The following ZFHX3 variants were observed in gnomAD, a reference collection of about 807,000 sequenced individuals.
The protein encoded by ZFHX3 is zinc finger homeobox 3, also known as zinc finger homeobox protein 3.
In ZFHX3, 42 loss-of-function variants were observed where a neutral mutation model predicts 279.1. That is an observed-to-expected ratio of 0.15 (90% CI 0.12 to 0.19). The LOEUF (loss-of-function observed/expected upper bound fraction) is 0.19. Among genes scored for constraint, ZFHX3 ranks in the 10% least tolerant of loss-of-function variants. The probability of loss-of-function intolerance (pLI) is 1.00; values close to 1 mark genes in which losing one functional copy is unlikely to be tolerated. For missense variants in ZFHX3, 4,981 were observed against 4,754.0 expected (o/e 1.05, Z -1.40); for synonymous variants, 2,293 against 1,957.8 (o/e 1.17, Z -4.52).
intron 4 of ZFHX3, among the ~76,000 whole-genome samples, chr16:73,269,331 C>T (rs910119365): frequency 1.3e-5 from 2 of 152,146 alleles, no homozygotes; most frequent in South Asian, 2.1e-4. Context: ...CGTCAGTTAC[C>T]CTTCCCTGCC....
chr16:73,184,972 A>G (rs939908953), intron 5 of ZFHX3, among the ~76,000 whole-genome samples: 10 of 148,540 alleles, frequency 6.7e-5, no homozygotes, highest in Non-Finnish European at 1.5e-4. Flanking sequence ...GTTAAGGAAC[A>G]TGCACCATCT....
At chr16:73,380,380 G>A (rs565630957) in intron 3 of ZFHX3, among the ~76,000 whole-genome samples, 1 of 152,290 alleles carries the variant, frequency 6.6e-6, no homozygotes, top group African/African-American at 2.4e-5. Context: ...AGTAGAATAG[G>A]TAACTTGCTA....
chr16:73,258,652 T>A (rs1321001725), intron 4 of ZFHX3, among the ~76,000 whole-genome samples: 1 of 152,168 alleles, frequency 6.6e-6, no homozygotes, highest in Non-Finnish European at 1.5e-5. Context: ...CCGGCCACTA[T>A]GACATATTTT....
intron 2 of ZFHX3, among the ~76,000 whole-genome samples, chr16:73,621,087 C>T (rs1351785916): frequency 6.6e-6 from 1 of 152,180 alleles, no homozygotes; most frequent in Non-Finnish European, 1.5e-5. Flanking sequence ...GCACCAACGG[C>T]CATTACTGAG....
At chr16:73,166,941 C>T (rs1277642288) in intron 5 of ZFHX3, among the ~76,000 whole-genome samples, 2 of 152,200 alleles carry the variant, frequency 1.3e-5, no homozygotes, top group African/African-American at 4.8e-5. Context: ...GACAACACAA[C>T]ACGACACAAC....
At chr16:73,477,520 T>C (rs1281649740) in intron 2 of ZFHX3, among the ~76,000 whole-genome samples, 1 of 152,238 alleles carries the variant, frequency 6.6e-6, no homozygotes, top group Non-Finnish European at 1.5e-5. Context: ...CTATGTTCTA[T>C]GGTGGGGCTG....
intron 3 of ZFHX3, among the ~76,000 whole-genome samples, chr16:73,359,185 T>A (rs1420580568): frequency 1.6e-5 from 1 of 61,234 alleles, no homozygotes; most frequent in Non-Finnish European, 6.2e-5. Flanking sequence ...GAAGAGGTTT[T>A]TTTTTTTTTT....
In ZFHX3 at chr16:72,785,695, C is replaced by CAAAA. The variant is rs1567502455; in HGVS notation, c.*1465_*1468dup. ...CAAAACCAAAAACCAAATCCCTAAC[C>CAAAA]AAAAACTTTTTTTAGAAAAGAAAAG... On this transcript the variant is annotated 3_prime_UTR_variant, in exon 10 of 10. Transcript: ENST00000268489. 6.6e-6 allele frequency: 1 copy of CAAAA among 151,048 alleles called. No homozygotes were observed. The highest frequency in any genetic ancestry group is 1.5e-5 in the Non-Finnish European group (1 of 67,816). The allele number at this position is 151,048 out of a possible 1,614,324, so 9.4% of individuals were successfully genotyped here. A position where few individuals can be genotyped will look rare whatever the true frequency, so the allele number is the denominator to read the frequency against.
Position 73,044,575 on chromosome 16 carries a change from CAAGT to C in ZFHX3, c.-50+3173_-50+3176del, listed in dbSNP as rs1442484775. Reference sequence around the variant, plus strand: ...AGGCTAAATCCTTAGAGCTGAGAAACAAGTGAGTTACTCTTAAAAGGTGAGTGTT... The same window carrying C: ...AGGCTAAATCCTTAGAGCTGAGAAACGAGTTACTCTTAAAAGGTGAGTGTT... On this transcript the variant is annotated intron_variant, in intron 1 of 9. Coordinates refer to ENST00000268489, the MANE Select transcript of ZFHX3 (RefSeq NM_006885.4). Among the ~76,000 whole-genome samples the C allele has an allele frequency of 2.7e-5, 4 of 149,988 alleles. No individual in the cohort carries two copies. In the East Asian group the frequency reaches 6.0e-4, roughly 22 times the overall value.
chr16:73,543,889 A>AGAGAGAGAGAGAGAGAGAGACAGAGG, intron 2 of ZFHX3: 1 of 148,946 alleles, frequency 6.7e-6, no homozygotes, highest in African/African-American at 2.5e-5. Flanking sequence ...AGAGAGGGAG[A>AGAGAGAGAGAGAGAGAGAGACAGAGG]GAGAGAGAGA....
chr16:73,381,777 T>C (rs985332033), intron 3 of ZFHX3, among the ~76,000 whole-genome samples: 1 of 151,988 alleles, frequency 6.6e-6, no homozygotes, highest in Non-Finnish European at 1.5e-5. Flanking sequence ...AATAAGTAAA[T>C]AAATAAAAAA....
intron 1 of ZFHX3, among the ~76,000 whole-genome samples, chr16:73,715,562 C>CTTTTTTTT (rs949665075): frequency 3.2e-5 from 2 of 63,022 alleles, no homozygotes; most frequent in African/African-American, 7.4e-5. Context: ...CACAGCTGGT[C>CTTTTTTTT]TTTTTTTTTT....
chr16:72,985,626 C>T (rs183101651), intron 1 of ZFHX3, among the ~76,000 whole-genome samples: 6 of 152,312 alleles, frequency 3.9e-5, no homozygotes, highest in Admixed American at 3.3e-4. Flanking sequence ...AATACACTGT[C>T]TCCACACACA....
intron 1 of ZFHX3, among the ~76,000 whole-genome samples, chr16:73,727,150 C>G (rs1010531368): frequency 4.6e-5 from 7 of 152,118 alleles, no homozygotes; most frequent in Non-Finnish European, 7.4e-5. Context: ...AGAGAGGGGA[C>G]CAGATGCAGT....
chr16:73,079,293 G>A (rs1359999052), intron 8 of ZFHX3, among the ~76,000 whole-genome samples: 1 of 151,834 alleles, frequency 6.6e-6, no homozygotes, highest in Non-Finnish European at 1.5e-5. Flanking sequence ...GGGAGGCCAA[G>A]GTGGGCAGAT....
chr16:72,807,543 G>A (rs1378315441), intron 7 of ZFHX3: 1 of 152,208 alleles, frequency 6.6e-6, no homozygotes, highest in African/African-American at 2.4e-5. Flanking sequence ...CCTGAAAGCT[G>A]TCTGATAAGG....
At chr16:73,463,819 A>T (rs1378463930) in intron 2 of ZFHX3, among the ~76,000 whole-genome samples, 1 of 152,190 alleles carries the variant, frequency 6.6e-6, no homozygotes, top group African/African-American at 2.4e-5. Context: ...TCGTTACAGC[A>T]AGAGCAAGGG....
At chr16:73,199,645 T>C (rs1968227041) in intron 5 of ZFHX3, among the ~76,000 whole-genome samples, 1 of 152,198 alleles carries the variant, frequency 6.6e-6, no homozygotes, top group Non-Finnish European at 1.5e-5. Flanking sequence ...CACCTCAAGG[T>C]AAGATCACTG....
intron 3 of ZFHX3, among the ~76,000 whole-genome samples, chr16:73,416,982 A>G (rs922257307): frequency 6.6e-6 from 1 of 152,052 alleles, no homozygotes; most frequent in African/African-American, 2.4e-5. Context: ...TTGCGGCATG[A>G]AAACCTGGCA....
Sources: gnomAD v4.1 joint callset for allele counts (sites outside exome capture counted in the v4.1 genomes callset) on GRCh38, gnomAD v4.1.1 for gene constraint, MANE v1.5 for transcripts, NCBI Gene and HGNC (gene_info 2026-07-23, HGNC 2026-07-21) for gene names.